SPATA31D3: variants seen among roughly 807,000 people sequenced by gnomAD.
SPATA31D3 encodes spermatogenesis-associated protein 31D3.
For synonymous variants in SPATA31D3, 27 were observed against 107.8 expected (o/e 0.25, Z 4.65); for missense variants, 91 against 297.9 (o/e 0.31, Z 5.11).
Position 81,948,221 on chromosome 9 carries a change from A to ATCTTGGG in SPATA31D3, c.*216_*217insTTGGGTC. 1 of 697,596 alleles carries ATCTTGGG rather than the reference A, an allele frequency of 1.4e-6. No individual in the cohort carries two copies. The highest frequency in any genetic ancestry group is 2.3e-5 in the African/African-American group (1 of 43,116). 43.2% of individuals were successfully genotyped at this position (697,596 alleles called of 1,614,324 possible). ...ACAACAAGCTCAGTCCCTGTCCTTA[A>ATCTTGGG]TCATCCTCAGCCTGTCTCCTCACCT... On this transcript the variant is annotated 3_prime_UTR_variant, in exon 4 of 4. Coordinates refer to ENST00000445385, the MANE Select transcript of SPATA31D3 (RefSeq NM_207416.3).
chr9:81,950,049 G>T lies in SPATA31D3; in HGVS notation c.*2042G>T. ...CCCCCCAAAAAATAATTAACTCCTTGTTGAGAATCTTGACTCTCCCCAATA... is the reference window on the plus strand; with the variant it reads ...CCCCCCAAAAAATAATTAACTCCTTTTTGAGAATCTTGACTCTCCCCAATA... On this transcript the variant is annotated 3_prime_UTR_variant, in exon 4 of 4. Coordinates refer to ENST00000445385, the MANE Select transcript of SPATA31D3 (RefSeq NM_207416.3). 1 of 306,536 alleles carries T rather than the reference G, an allele frequency of 3.3e-6. No homozygotes were observed. The highest frequency in any genetic ancestry group is 6.1e-6 in the Non-Finnish European group (1 of 163,974). The allele number at this position is 306,536 out of a possible 1,614,324, so 19.0% of individuals were successfully genotyped here.
At chr9:81,945,307 T>TTTTTTTG in intron 3 of SPATA31D3, 75 bp downstream of exon 3, 1 of 1,209,642 alleles carries the variant, frequency 8.3e-7, no homozygotes, top group East Asian at 3.0e-5. Context: ...TTTTTTTTTT[T>TTTTTTTG]TTTTTTTTTT....
Position 81,949,667 on chromosome 9 carries a change from C to G in SPATA31D3, c.*1660C>G. 2 of 1,135,344 alleles carry G rather than the reference C, an allele frequency of 1.8e-6. No homozygotes were observed. Among genetic ancestry groups the G allele is most frequent in the Non-Finnish European group, 2.7e-6 (2 of 752,816 alleles). 70.3% of individuals were successfully genotyped at this position (1,135,344 alleles called of 1,614,324 possible). On this transcript the variant is annotated 3_prime_UTR_variant, in exon 4 of 4. Coordinates refer to ENST00000445385, the MANE Select transcript of SPATA31D3 (RefSeq NM_207416.3). ...CCAGAACTGCAGGTCAGAGCAGAGC[C>G]TGTCCAGGGCTATCCCTGCAACTAC...
rs1329789776 is a variant in SPATA31D3 at position 81,948,036 on chromosome 9, C to T, written c.*29C>T. ...TGCTGTGGGGCCTTCCCCGCAAGAT[C>T]CGTGAACCCACAGAAATCTTCAAAT... On this transcript the variant is annotated 3_prime_UTR_variant, in exon 4 of 4. Transcript: ENST00000445385. 10 of 1,598,328 alleles carry T rather than the reference C, an allele frequency of 6.3e-6. No homozygotes were observed. Among genetic ancestry groups the T allele is most frequent in the Admixed American group, 1.7e-5 (1 of 58,134 alleles).
In SPATA31D3 at chr9:81,949,537, G is replaced by C. The variant is rs1375469443; in HGVS notation, c.*1530G>C. The C allele has an allele frequency of 1.0e-5, 6 of 580,470 alleles. No individual in the cohort carries two copies. In the East Asian group the frequency reaches 2.0e-4, roughly 19 times the overall value. 36.0% of individuals were successfully genotyped at this position (580,470 alleles called of 1,614,324 possible). ...AGCTCAGAAAATTAGGAAAGACACT[G>C]GGGAGTTCATAGAAGAGAAGCTGGG... On this transcript the variant is annotated 3_prime_UTR_variant, in exon 4 of 4. Coordinates refer to ENST00000445385, the MANE Select transcript of SPATA31D3 (RefSeq NM_207416.3).
At position 81,949,686 on chromosome 9, in the gene SPATA31D3, C is replaced by T; in HGVS notation, c.*1679C>T. Reference sequence around the variant, plus strand: ...CAGAGCCTGTCCAGGGCTATCCCTGCAACTACATGGCTCCCTCCTGCAAAG... The same window carrying T: ...CAGAGCCTGTCCAGGGCTATCCCTGTAACTACATGGCTCCCTCCTGCAAAG... On this transcript the variant is annotated 3_prime_UTR_variant, in exon 4 of 4. Coordinates refer to ENST00000445385, the MANE Select transcript of SPATA31D3 (RefSeq NM_207416.3). The T allele has an allele frequency of 3.1e-6, 4 of 1,306,848 alleles. No homozygotes were observed. The highest frequency in any genetic ancestry group is 2.3e-5 in the East Asian group (1 of 43,012). The allele number at this position is 1,306,848 out of a possible 1,614,324, so 81.0% of individuals were successfully genotyped here. A position where few individuals can be genotyped will look rare whatever the true frequency, so the allele number is the denominator to read the frequency against.
In SPATA31D3 at chr9:81,949,072, C is replaced by T. The variant is rs1275493356; in HGVS notation, c.*1065C>T. ...GGACTTGGGAACTTCCCAGGTGCTG[C>T]ATGTCCACTTGGAGGTCAGAGGAAT... On this transcript the variant is annotated 3_prime_UTR_variant, in exon 4 of 4. Coordinates refer to ENST00000445385, the MANE Select transcript of SPATA31D3 (RefSeq NM_207416.3). The T allele has an allele frequency of 3.1e-5, 17 of 556,734 alleles. No homozygotes were observed. The highest frequency in any genetic ancestry group is 3.0e-4 in the African/African-American group (16 of 53,440). 34.5% of individuals were successfully genotyped at this position (556,734 alleles called of 1,614,324 possible). A position where few individuals can be genotyped will look rare whatever the true frequency, so the allele number is the denominator to read the frequency against.
chr9:81,949,541 A>C lies in SPATA31D3; in HGVS notation c.*1534A>C, dbSNP rs975496562. The C allele has an allele frequency of 3.4e-5, 20 of 582,760 alleles. No homozygotes were observed. Among genetic ancestry groups the C allele is most frequent in the African/African-American group, 2.8e-4 (15 of 53,284 alleles). The allele number at this position is 582,760 out of a possible 1,614,324, so 36.1% of individuals were successfully genotyped here. A position where few individuals can be genotyped will look rare whatever the true frequency, so the allele number is the denominator to read the frequency against. ...CAGAAAATTAGGAAAGACACTGGGGAGTTCATAGAAGAGAAGCTGGGGCAT... is the reference window on the plus strand; with the variant it reads ...CAGAAAATTAGGAAAGACACTGGGGCGTTCATAGAAGAGAAGCTGGGGCAT... On this transcript the variant is annotated 3_prime_UTR_variant, in exon 4 of 4. Transcript: ENST00000445385.
chr9:81,948,181 G>A lies in SPATA31D3; in HGVS notation c.*174G>A. On this transcript the variant is annotated 3_prime_UTR_variant, in exon 4 of 4. Coordinates refer to ENST00000445385, the MANE Select transcript of SPATA31D3 (RefSeq NM_207416.3). ...GTCTTGTAGACGAAGCACTTTTCAA[G>A]GAGAAAAGTTGGGAACAACAAGCTC... is the stretch of plus-strand genomic sequence containing the variant. The A allele has an allele frequency of 7.6e-6, 10 of 1,312,342 alleles. 1 individual carries two copies. Among genetic ancestry groups the A allele is most frequent in the Non-Finnish European group, 1.0e-5 (10 of 965,144 alleles). The allele number at this position is 1,312,342 out of a possible 1,614,324, so 81.3% of individuals were successfully genotyped here.
At position 81,947,656 on chromosome 9, in the gene SPATA31D3, C is replaced by A; in HGVS notation, c.2403C>A (p.Asp801Glu). The change falls in exon 4 of 4, where the codon GAC becomes GAA. Residue 801 changes from aspartate to glutamate, a missense_variant. Asp to Glu is a conservative substitution (Grantham distance 45). Coordinates refer to ENST00000445385, the MANE Select transcript of SPATA31D3 (RefSeq NM_207416.3). ...ATCTGAGGTCTAACTCTGAGAGAGACCTAGGAACTCATATGATGCATCTGT... is the reference window on the plus strand; with the variant it reads ...ATCTGAGGTCTAACTCTGAGAGAGAACTAGGAACTCATATGATGCATCTGT... ...EEDLRSNSERDLGTHMMHLSG... is the reference protein window; with the variant it reads ...EEDLRSNSERELGTHMMHLSG... 1 of 1,581,034 alleles carries A rather than the reference C, an allele frequency of 6.3e-7. No individual in the cohort carries two copies. Among genetic ancestry groups the A allele is most frequent in the Non-Finnish European group, 8.6e-7 (1 of 1,159,550 alleles).
Position 81,949,565 on chromosome 9 carries a change from A to G in SPATA31D3, c.*1558A>G. ...GAGTTCATAGAAGAGAAGCTGGGGC[A>G]TAGACATTGAATAGATATCACCTGT... is the stretch of plus-strand genomic sequence containing the variant. On this transcript the variant is annotated 3_prime_UTR_variant, in exon 4 of 4. Coordinates refer to ENST00000445385, the MANE Select transcript of SPATA31D3 (RefSeq NM_207416.3). 1 of 612,850 alleles carries G rather than the reference A, an allele frequency of 1.6e-6. No individual in the cohort carries two copies. Among genetic ancestry groups the G allele is most frequent in the South Asian group, 1.7e-5 (1 of 57,574 alleles). 38.0% of individuals were successfully genotyped at this position (612,850 alleles called of 1,614,324 possible).
rs1272468258 is a variant in SPATA31D3, at chr9:81,947,920, G to T, written c.2667G>T (p.Met889Ile). Residue 889 changes from methionine to isoleucine, a missense_variant, in exon 4 of 4, where the codon ATG becomes ATT. Coordinates refer to ENST00000445385, the MANE Select transcript of SPATA31D3 (RefSeq NM_207416.3). ...ACCGCGTTGATACCTCCCAGGAGAT[G>T]TCCTTCCTTAGTTCCAACAAACAAA... ...EDHRVDTSQE[M>I]SFLSSNKQKM... 1.9e-6 allele frequency: 3 copies of T among 1,610,660 alleles called. No homozygotes were observed. The highest frequency in any genetic ancestry group is 2.5e-6 in the Non-Finnish European group (3 of 1,178,752).
chr9:81,945,410 G>A, intron 3 of SPATA31D3, 137 bp from the exon 4 acceptor site: 1 of 247,982 alleles, frequency 4.0e-6, no homozygotes, highest in East Asian at 7.3e-5. Flanking sequence ...AATGCTTTGA[G>A]GAGAGGCTAT....
In SPATA31D3 at chr9:81,949,507, A is replaced by G. The variant is rs987235386; in HGVS notation, c.*1500A>G. On this transcript the variant is annotated 3_prime_UTR_variant, in exon 4 of 4. Coordinates refer to ENST00000445385, the MANE Select transcript of SPATA31D3 (RefSeq NM_207416.3). Reference sequence around the variant, plus strand: ...AAGTAGAGCTGTCTTTACTGGGACTATTGAAGCTCAGAAAATTAGGAAAGA... The same window carrying G: ...AAGTAGAGCTGTCTTTACTGGGACTGTTGAAGCTCAGAAAATTAGGAAAGA... 3 of 542,308 alleles carry G rather than the reference A, an allele frequency of 5.5e-6. No individual in the cohort carries two copies. The highest frequency in any genetic ancestry group is 3.9e-5 in the South Asian group (2 of 51,716). The allele number at this position is 542,308 out of a possible 1,614,324, so 33.6% of individuals were successfully genotyped here.
chr9:81,945,315 T>TTTTTTTTTTTC, intron 3 of SPATA31D3, 83 bp downstream of exon 3: 1 of 1,143,452 alleles, frequency 8.7e-7, no homozygotes. Flanking sequence ...TTTTTTTTTT[T>TTTTTTTTTTTC]TTGCATGTTC....
Position 81,947,646 on chromosome 9 carries a change from C to A in SPATA31D3, c.2393C>A (p.Ser798Tyr). 7.0e-6 allele frequency: 11 copies of A among 1,577,862 alleles called. 1 individual carries two copies. Among genetic ancestry groups the A allele is most frequent in the Non-Finnish European group, 9.5e-6 (11 of 1,158,286 alleles). ...TSSEEDLRSN[S>Y]ERDLGTHMMH... ...TCAGAGGAGGATCTGAGGTCTAACTCTGAGAGAGACCTAGGAACTCATATG... is the reference window on the plus strand; with the variant it reads ...TCAGAGGAGGATCTGAGGTCTAACTATGAGAGAGACCTAGGAACTCATATG... Residue 798 changes from serine to tyrosine, a missense_variant, in exon 4 of 4, where the codon TCT becomes TAT. Coordinates refer to ENST00000445385, the MANE Select transcript of SPATA31D3 (RefSeq NM_207416.3).
intron 3 of SPATA31D3, 141 bp downstream of exon 3, chr9:81,945,373 G>A (rs1343571914): frequency 8.8e-6 from 3 of 342,754 alleles, no homozygotes; most frequent in African/African-American, 4.2e-5. Flanking sequence ...TTGGGAGTGG[G>A]TAGCCATAGG....
rs1823932303 is a variant in SPATA31D3, at chr9:81,948,065, A to G, written c.*58A>G. On this transcript the variant is annotated 3_prime_UTR_variant, in exon 4 of 4. Transcript: ENST00000445385. Reference sequence around the variant, plus strand: ...GAACCCACAGAAATCTTCAAATCAGAAGAGGATATTTCCAATTCCTTTTCC... The same window carrying G: ...GAACCCACAGAAATCTTCAAATCAGGAGAGGATATTTCCAATTCCTTTTCC... The G allele has an allele frequency of 5.7e-6, 9 of 1,588,690 alleles. No individual in the cohort carries two copies. The South Asian group carries it at 6.9e-5, about 12-fold the overall frequency.
chr9:81,947,961 A>C lies in SPATA31D3; in HGVS notation c.2708A>C (p.His903Pro), dbSNP rs776664428. The C allele has an allele frequency of 3.2e-6, 5 of 1,557,124 alleles. No homozygotes were observed. The African/African-American group carries it at 6.9e-5, about 21-fold the overall frequency. The change falls in exon 4 of 4, where the codon CAT (histidine) becomes CCT (proline). Residue 903 changes from histidine to proline, a missense_variant. His to Pro is a moderately conservative substitution (Grantham distance 77). Coordinates refer to ENST00000445385, the MANE Select transcript of SPATA31D3 (RefSeq NM_207416.3). ...AACAAACAAAAGATGTTGGAAGCCCATATTAAATCTTTCCATATGAAGCCC... is the reference window on the plus strand; with the variant it reads ...AACAAACAAAAGATGTTGGAAGCCCCTATTAAATCTTTCCATATGAAGCCC... Reference protein sequence around the residue: ...SSNKQKMLEAHIKSFHMKPIL... With the variant: ...SSNKQKMLEAPIKSFHMKPIL...
Sources: allele counts gnomAD v4.1 joint callset, GRCh38; gene constraint gnomAD v4.1.1; transcripts MANE v1.5; gene names NCBI Gene and HGNC (gene_info 2026-07-23, HGNC 2026-07-21).